Variants in RUBCN observed in about 807,000 individuals in gnomAD.
RUBCN encodes rubicon autophagy regulator, also known as run domain Beclin-1-interacting and cysteine-rich domain-containing protein.
A neutral mutation model predicts 113.2 loss-of-function variants in RUBCN; 74 were observed. The ratio of observed to expected loss-of-function variants is 0.65; its 90% CI spans 0.54 to 0.79. RUBCN has a LOEUF of 0.79. RUBCN is among the 30% of genes least tolerant of loss of function. The probability of loss-of-function intolerance (pLI) is 0.00; values close to 1 mark genes in which losing one functional copy is unlikely to be tolerated. For synonymous variants in RUBCN, 480 were observed against 490.0 expected, an observed-to-expected ratio of 0.98 and a Z score of 0.27; for missense variants, 1,109 against 1,251.7, an observed-to-expected ratio of 0.89 and a Z score of 1.72.
chr3:197,703,147 C>T (rs193082354), intron 5 of RUBCN, among the ~76,000 whole-genome samples: 1 of 152,022 alleles, frequency 6.6e-6, no homozygotes, highest in East Asian at 1.9e-4. Context: ...GCCTCTAATC[C>T]CAGCACTTTG....
intron 1 of RUBCN, among the ~76,000 whole-genome samples, chr3:197,731,180 GGGAGTGGTGATGACTCTTAA>G (rs1727418403): frequency 6.6e-6 from 1 of 151,790 alleles, no homozygotes; most frequent in Non-Finnish European, 1.5e-5. Flanking sequence ...CTTGAGATTA[GGGAGTGGTGATGACTCTTAA>G]GGAGCATGCT....
At chr3:197,703,487 C>A in intron 5 of RUBCN, 61 bp downstream of exon 5, 2 of 966,256 alleles carry the variant, frequency 2.1e-6, no homozygotes, top group South Asian at 2.6e-5. Flanking sequence ...CTGTAGAGGG[C>A]TACATCCTGC....
intron 11 of RUBCN, among the ~76,000 whole-genome samples, chr3:197,685,843 G>A (rs2108861981): frequency 6.6e-6 from 1 of 152,326 alleles, no homozygotes; most frequent in East Asian, 1.9e-4. Context: ...AAACAGTAGA[G>A]GCAACAGTAG....
chr3:197,719,563 T>C (rs1231350490), intron 1 of RUBCN, among the ~76,000 whole-genome samples: 1 of 151,068 alleles, frequency 6.6e-6, no homozygotes, highest in Admixed American at 6.6e-5. Flanking sequence ...GATTCCAAAA[T>C]TACACAAAGA....
In RUBCN at chr3:197,735,227, T is replaced by C. The variant is rs376649567; in HGVS notation, c.65+1428A>G. Among the ~76,000 whole-genome samples, 33 of 152,244 alleles carry C rather than the reference T, an allele frequency of 2.2e-4. No individual in the cohort carries two copies. In the East Asian group the frequency reaches 3.9e-3, roughly 18 times the overall value. ...GCCTGGGCAATATGGTGAGACCCTG[T>C]CTCTACAAAAAAGTTTTTTAAAGTA... On this transcript the variant is annotated intron_variant, in intron 1 of 19. Coordinates refer to ENST00000296343, the MANE Select transcript of RUBCN (RefSeq NM_014687.4).
rs557223989 is a variant in RUBCN, at chr3:197,671,499, T to C, written c.*3519A>G. ...ATGAGACGATGCGTGATGAGCTCAG[T>C]GTGCCACTTACAGAGGAAGTTGAAG... On this transcript the variant is annotated 3_prime_UTR_variant, in exon 20 of 20. Coordinates refer to ENST00000296343, the MANE Select transcript of RUBCN (RefSeq NM_014687.4). The C allele has an allele frequency of 2.0e-5, 3 of 152,334 alleles. No homozygotes were observed. In the East Asian group the frequency reaches 5.8e-4, roughly 29 times the overall value. 9.4% of individuals were successfully genotyped at this position (152,334 alleles called of 1,614,324 possible). A position where few individuals can be genotyped will look rare whatever the true frequency, so the allele number is the denominator to read the frequency against.
chr3:197,733,272 A>C (rs1727729729), intron 1 of RUBCN, among the ~76,000 whole-genome samples: 1 of 152,162 alleles, frequency 6.6e-6, no homozygotes, highest in African/African-American at 2.4e-5. Flanking sequence ...CAGGAGTTTG[A>C]GACTGGCCTA....
intron 11 of RUBCN, among the ~76,000 whole-genome samples, chr3:197,691,974 CCT>C (rs1478611511): frequency 6.6e-6 from 1 of 152,010 alleles, no homozygotes; most frequent in Non-Finnish European, 1.5e-5. Flanking sequence ...AAAATACGCC[CCT>C]TTCAATCATA....
In RUBCN at chr3:197,681,359, T is replaced by G; in HGVS notation, c.2200A>C (p.Lys734Gln). The G allele has an allele frequency of 1.2e-6, 2 of 1,612,832 alleles. No individual in the cohort carries two copies. Among genetic ancestry groups the G allele is most frequent in the South Asian group, 2.2e-5 (2 of 91,042 alleles). The change falls in exon 16 of 20, where the codon AAG becomes CAG. Residue 734 changes from lysine to glutamine, a missense_variant. This residue lies in a region of RUBCN where 306 missense variants were observed against 348.9 expected (regional missense o/e 0.88). Transcript: ENST00000296343. This position sits in a 1 kb window ranked among gnomAD's most constrained non-coding sequence, Gnocchi z 5.5. ...AGGTACTCACAGTACCGCAGTCGCT[T>G]GATGTAATCTGGAAAAACCGGAAAG... is the stretch of plus-strand genomic sequence containing the variant. ...CGIRTDPDYI[K>Q]RLRYCEYLGK...
chr3:197,707,326 C>T (rs991406227), intron 2 of RUBCN, among the ~76,000 whole-genome samples: 11 of 151,322 alleles, frequency 7.3e-5, no homozygotes, highest in East Asian at 1.9e-4. Flanking sequence ...AGCGAGACTC[C>T]GGTCTCAAAA....
chr3:197,676,822 A>AC (rs1279199270), intron 18 of RUBCN, 63 bp downstream of exon 18: 27 of 1,611,690 alleles, frequency 1.7e-5, no homozygotes, highest in East Asian at 2.2e-5. Context: ...CCCCAGGTCC[A>AC]CCCCCCTCCC....
chr3:197,712,955 G>A (rs1725123184), intron 2 of RUBCN, among the ~76,000 whole-genome samples: 1 of 151,784 alleles, frequency 6.6e-6, no homozygotes, highest in Admixed American at 6.6e-5. Flanking sequence ...CACCTCCCAG[G>A]TTCAAGCGAT....
At position 197,733,212 on chromosome 3, in the gene RUBCN, C is replaced by T. The variant is rs1399099229; in HGVS notation, c.65+3443G>A. Among the ~76,000 whole-genome samples, 3 of 152,228 alleles carry T rather than the reference C, an allele frequency of 2.0e-5. No individual in the cohort carries two copies. The East Asian group carries it at 5.8e-4, about 29-fold the overall frequency. Reference sequence around the variant, plus strand: ...TACCGGCTGGGCACAGTGGCTCATGCTTGTAATCCCAGTGCTCTGGGAGGC... The same window carrying T: ...TACCGGCTGGGCACAGTGGCTCATGTTTGTAATCCCAGTGCTCTGGGAGGC... On this transcript the variant is annotated intron_variant, in intron 1 of 19. Transcript: ENST00000296343.
At chr3:197,676,332 T>G (rs1378165870) in intron 18 of RUBCN, 1 of 890,020 alleles carries the variant, frequency 1.1e-6, no homozygotes, top group Non-Finnish European at 1.3e-6. Flanking sequence ...GACAACTGCC[T>G]TTTTTTTTTC....
At chr3:197,749,531 G>A in exon 1 of RUBCN, 2 of 1,290,766 alleles carry the variant, frequency 1.5e-6, no homozygotes, top group Non-Finnish European at 2.0e-6. Context: ...CCTGCCTCCC[G>A]AGGCTGCGTT....
chr3:197,711,775 C>CTT (rs1302521479), intron 2 of RUBCN, among the ~76,000 whole-genome samples: 1 of 151,992 alleles, frequency 6.6e-6, no homozygotes, highest in African/African-American at 2.4e-5. Context: ...TAGTTTTATA[C>CTT]TTTTTTGATT....
chr3:197,701,344 C>T (rs1723645221), intron 6 of RUBCN, among the ~76,000 whole-genome samples, 198 bp from the exon 7 acceptor site: 1 of 152,166 alleles, frequency 6.6e-6, no homozygotes, highest in African/African-American at 2.4e-5. Flanking sequence ...GTATGCATTC[C>T]TCATCTGAAA....
At chr3:197,682,723 T>C in intron 13 of RUBCN, 108 bp from the exon 14 acceptor site, 1 of 1,452,918 alleles carries the variant, frequency 6.9e-7, no homozygotes, top group Non-Finnish European at 9.6e-7. Flanking sequence ...ACAGTTGGGG[T>C]AAGTTCACAC....
At chr3:197,728,677 A>T (rs1560468367) in intron 1 of RUBCN, among the ~76,000 whole-genome samples, 3 of 152,228 alleles carry the variant, frequency 2.0e-5, no homozygotes, top group African/African-American at 7.2e-5. Context: ...ACTGGTGCTT[A>T]AAGAAGCGTT....
Sources: allele counts gnomAD v4.1 joint callset (sites outside exome capture counted in the v4.1 genomes callset), GRCh38; gene constraint gnomAD v4.1.1; regional missense constraint gnomAD v4.1.1; non-coding constraint Gnocchi (gnomAD v3.1); transcripts MANE v1.5; gene names NCBI Gene and HGNC (gene_info 2026-07-23, HGNC 2026-07-21).